TP53BP2: variants seen among roughly 807,000 people sequenced by gnomAD.
TP53BP2 encodes tumor protein p53 binding protein 2, also known as apoptosis-stimulating of p53 protein 2.
TP53BP2 carries 62 observed loss-of-function variants against 126.2 expected under a neutral mutation model. The ratio of observed to expected loss-of-function variants is 0.49; its 90% CI spans 0.40 to 0.61. The LOEUF (loss-of-function observed/expected upper bound fraction) is 0.61, where lower values mean the gene tolerates loss of function less well. Ranked by LOEUF, TP53BP2 falls within the 20% of genes least tolerant of loss-of-function variation. The pLI, the probability that TP53BP2 is intolerant of heterozygous loss-of-function variation, is 0.00. For missense variants in TP53BP2, 1,215 were observed against 1,402.8 expected, an observed-to-expected ratio of 0.87 and a Z score of 2.14; for synonymous variants, 485 against 502.9, an observed-to-expected ratio of 0.96 and a Z score of 0.48.
At chr1:223,818,714 A>G (rs1299953891) in intron 2 of TP53BP2, among the ~76,000 whole-genome samples, 1 of 150,800 alleles carries the variant, frequency 6.6e-6, no homozygotes, top group East Asian at 2.1e-4. Context: ...AGCTGGGATT[A>G]CAGGTGTCCA....
chr1:223,814,333 C>T lies in TP53BP2; in HGVS notation c.196G>A (p.Glu66Lys). The change falls in exon 3 of 18, where the codon GAG (glutamate) becomes AAG (lysine). Residue 66 changes from glutamate (E) to lysine (K), a missense_variant. Glu to Lys is a moderately conservative substitution (Grantham distance 56). Coordinates refer to ENST00000343537, the MANE Select transcript of TP53BP2 (RefSeq NM_001031685.3). ...CGTTGAAGAACATCAAACATTCGCT[C>T]ATTATCCGCAACTGGACGTTCTAAA... ...CGSERPVADN[E>K]RMFDVLQRFG... The T allele has an allele frequency of 6.2e-7, 1 of 1,613,498 alleles. No homozygotes were observed. The highest frequency in any genetic ancestry group is 8.5e-7 in the Non-Finnish European group (1 of 1,179,464).
chr1:223,785,793 T>C (rs568827463), intron 16 of TP53BP2, among the ~76,000 whole-genome samples: 1 of 152,304 alleles, frequency 6.6e-6, no homozygotes, highest in East Asian at 1.9e-4. Flanking sequence ...ACTAAAAACA[T>C]GCTCAATCTT....
At position 223,845,781 on chromosome 1, in the gene TP53BP2, T is replaced by C; in HGVS notation, c.-101A>G. On this transcript the variant is annotated 5_prime_UTR_variant, in exon 1 of 18. Transcript: ENST00000343537. Reference sequence around the variant, plus strand: ...GGAGAGCGAGGCCGCCCGGACCTGTTGCGAGGCGGCGGCGGCGGCAGCGGC... The same window carrying C: ...GGAGAGCGAGGCCGCCCGGACCTGTCGCGAGGCGGCGGCGGCGGCAGCGGC... 1 of 1,181,594 alleles carries C rather than the reference T, an allele frequency of 8.5e-7. No homozygotes were observed. Among genetic ancestry groups the C allele is most frequent in the South Asian group, 3.1e-5 (1 of 32,436 alleles). The allele number at this position is 1,181,594 out of a possible 1,614,324, so 73.2% of individuals were successfully genotyped here.
At position 223,804,234 on chromosome 1, in the gene TP53BP2, T is replaced by G; in HGVS notation, c.589A>C (p.Lys197Gln). 1.2e-6 allele frequency: 2 copies of G among 1,614,198 alleles called. No individual in the cohort carries two copies. The highest frequency in any genetic ancestry group is 1.1e-5 in the South Asian group (1 of 91,062). ...TGGCCTTTAAGTGCTCTCACTTTTT[T>G]TAGCTTAGCTTCCTGATTCTCAGCT... ...EIAENQEAKLKKVRALKGHVE... is the reference protein window; with the variant it reads ...EIAENQEAKLQKVRALKGHVE... The change falls in exon 6 of 18, where the codon AAA becomes CAA. Residue 197 changes from lysine to glutamine, a missense_variant. Around this residue, in one of 4 missense-constraint regions of TP53BP2, gnomAD observed 814 missense variants for 853.0 expected, o/e 0.95. Coordinates refer to ENST00000343537, the MANE Select transcript of TP53BP2 (RefSeq NM_001031685.3).
intron 2 of TP53BP2, among the ~76,000 whole-genome samples, chr1:223,818,641 C>T (rs1663183595): frequency 6.6e-6 from 1 of 150,426 alleles, no homozygotes; most frequent in Admixed American, 6.6e-5. Context: ...GTTGTGCGAT[C>T]TCAGCTCATT....
intron 3 of TP53BP2, among the ~76,000 whole-genome samples, chr1:223,813,331 G>T (rs973603429): frequency 6.6e-6 from 1 of 152,102 alleles, no homozygotes; most frequent in African/African-American, 2.4e-5. Flanking sequence ...CACAACACTA[G>T]AAGCCCTCTA....
chr1:223,810,640 ATT>A (rs1350073035), intron 3 of TP53BP2, 127 bp from the exon 4 acceptor site: 2 of 687,656 alleles, frequency 2.9e-6, no homozygotes, highest in Non-Finnish European at 4.7e-6. Context: ...AAAACAAAAT[ATT>A]TTCTAATAGC....
rs1663775415 is a variant in TP53BP2 at position 223,832,512 on chromosome 1, G to A, written c.28-11145C>T. 2.0e-5 allele frequency among the ~76,000 whole-genome samples: 3 copies of A among 152,198 alleles called. No homozygotes were observed. The South Asian group carries it at 6.2e-4, about 32-fold the overall frequency. ...GGCCCGAAAATATTTCTTGTAAGAG[G>A]AGAATGCCACTAGGCTTCCTATAAC... On this transcript the variant is annotated intron_variant, in intron 1 of 17. Coordinates refer to ENST00000343537, the MANE Select transcript of TP53BP2 (RefSeq NM_001031685.3).
intron 1 of TP53BP2, among the ~76,000 whole-genome samples, chr1:223,831,950 T>C (rs1419047735): frequency 1.3e-5 from 2 of 152,108 alleles, no homozygotes; most frequent in Non-Finnish European, 2.9e-5. Flanking sequence ...AGCATGTATG[T>C]ACTGTAACTA....
At position 223,804,275 on chromosome 1, in the gene TP53BP2, T is replaced by C. The variant is rs1662637286; in HGVS notation, c.548A>G (p.Lys183Arg). The change falls in exon 6 of 18, where the codon AAA (lysine) becomes AGA (arginine). Residue 183 changes from lysine (K) to arginine (R), a missense_variant. Lys to Arg is a conservative substitution (Grantham distance 26, BLOSUM62 2). Coordinates refer to ENST00000343537, the MANE Select transcript of TP53BP2 (RefSeq NM_001031685.3). ...ATTCTCAGCTATTTCTTTTAGCCTT[T>C]TAAGTTTCTCCTGCTCAGCAACTTG... ...QQQVAEQEKL[K>R]RLKEIAENQE... 2 of 1,614,076 alleles carry C rather than the reference T, an allele frequency of 1.2e-6. No homozygotes were observed. The highest frequency in any genetic ancestry group is 1.7e-5 in the Admixed American group (1 of 60,006).
intron 4 of TP53BP2, 68 bp from the exon 5 acceptor site, chr1:223,807,015 C>T: frequency 8.1e-7 from 1 of 1,229,634 alleles, no homozygotes. Flanking sequence ...ATTCCGCCCT[C>T]AAAGGTCTAT....
chr1:223,809,009 A>G (rs1441572553), intron 4 of TP53BP2, among the ~76,000 whole-genome samples: 3 of 152,164 alleles, frequency 2.0e-5, no homozygotes, highest in African/African-American at 7.2e-5. Flanking sequence ...TCTGGTGGGC[A>G]TGTAAAATAA....
In TP53BP2 at chr1:223,814,318, C is replaced by T. The variant is rs1270336714; in HGVS notation, c.211G>A (p.Val71Ile). 3 of 1,613,876 alleles carry T rather than the reference C, an allele frequency of 1.9e-6. No homozygotes were observed. Among genetic ancestry groups the T allele is most frequent in the African/African-American group, 1.3e-5 (1 of 75,056 alleles). ...CTCTGACTTCCAAATCGTTGAAGAA[C>T]ATCAAACATTCGCTCATTATCCGCA... Reference protein sequence around the residue: ...PVADNERMFDVLQRFGSQRNE... With the variant: ...PVADNERMFDILQRFGSQRNE... The change falls in exon 3 of 18, where the codon GTT (valine) becomes ATT (isoleucine). Residue 71 changes from valine to isoleucine, a missense_variant. By Grantham distance (29) the Val-to-Ile change is conservative. Coordinates refer to ENST00000343537, the MANE Select transcript of TP53BP2 (RefSeq NM_001031685.3).
chr1:223,807,490 T>C (rs1454135256), intron 4 of TP53BP2, among the ~76,000 whole-genome samples: 2 of 150,868 alleles, frequency 1.3e-5, no homozygotes, highest in Non-Finnish European at 2.9e-5. Context: ...ATAAACAGCA[T>C]CCAGATTGGT....
intron 11 of TP53BP2, among the ~76,000 whole-genome samples, chr1:223,799,066 C>T (rs1392195872): frequency 6.6e-6 from 1 of 152,140 alleles, no homozygotes; most frequent in Non-Finnish European, 1.5e-5. Context: ...AACAAGACTC[C>T]ATCTCGGAAA....
chr1:223,800,892 T>G, intron 9 of TP53BP2, 82 bp from the exon 10 acceptor site: 1 of 950,852 alleles, frequency 1.1e-6, no homozygotes, highest in Non-Finnish European at 1.6e-6. Context: ...ACTTTTAATC[T>G]CTAAAAACAG....
chr1:223,820,229 C>G (rs533648202), intron 2 of TP53BP2, among the ~76,000 whole-genome samples: 1 of 152,284 alleles, frequency 6.6e-6, no homozygotes, highest in Non-Finnish European at 1.5e-5. Context: ...ATTTTAAAAG[C>G]TGCAGGAAGA....
chr1:223,826,049 G>A (rs182898560), intron 1 of TP53BP2: 9 of 152,320 alleles, frequency 5.9e-5, no homozygotes, highest in East Asian at 1.9e-4. Context: ...TTGAGCAACC[G>A]AGCAACCATC....
Position 223,796,595 on chromosome 1 carries a change from T to C in TP53BP2, c.1949-5A>G. 1 of 1,541,660 alleles carries C rather than the reference T, an allele frequency of 6.5e-7. No homozygotes were observed. Among genetic ancestry groups the C allele is most frequent in the Non-Finnish European group, 8.7e-7 (1 of 1,152,390 alleles). ...CAATTACAGGCTTACCATATACTAA[T>C]TGGAAAAGGAAAAAAAAAAGCCCTC... On this transcript the variant is annotated splice_polypyrimidine_tract_variant and splice_region_variant and intron_variant, in intron 12 of 17. Transcript: ENST00000343537. The surrounding 1 kb of genome is among the most constrained non-coding windows in gnomAD (Gnocchi z 4.2).
Sources: allele counts gnomAD v4.1 joint callset (sites outside exome capture counted in the v4.1 genomes callset), GRCh38; gene constraint gnomAD v4.1.1; regional missense constraint gnomAD v4.1.1; non-coding constraint Gnocchi (gnomAD v3.1); transcripts MANE v1.5; gene names NCBI Gene and HGNC (gene_info 2026-07-23, HGNC 2026-07-21).